LMO7: variants seen among roughly 807,000 people sequenced by gnomAD.
LMO7 encodes the protein LIM domain only protein 7.
In LMO7, 120 loss-of-function variants were observed where a neutral mutation model predicts 206.5. That is an observed-to-expected ratio of 0.58 (90% confidence interval 0.50 to 0.68). The LOEUF (loss-of-function observed/expected upper bound fraction) is 0.68. Among genes scored for constraint, LMO7 ranks in the 30% least tolerant of loss-of-function variants. The pLI, the probability that LMO7 is intolerant of heterozygous loss-of-function variation, is 0.00. For missense variants in LMO7, 1,959 were observed against 1,957.9 expected (o/e 1.00, Z -0.01); for synonymous variants, 706 against 681.5 (o/e 1.04, Z -0.56).
chr13:75,745,409 T>G (rs2046758237), intron 3 of LMO7, among the ~76,000 whole-genome samples: 1 of 152,186 alleles, frequency 6.6e-6, no homozygotes, highest in South Asian at 2.1e-4. Context: ...ATATGGTATG[T>G]GAGTTTTATC....
In LMO7 at chr13:75,859,356, T is replaced by A. The variant is rs1566640649; in HGVS notation, c.*1413T>A. On this transcript the variant is annotated 3_prime_UTR_variant, in exon 31 of 31. Coordinates refer to ENST00000377534, the MANE Select transcript of LMO7 (RefSeq NM_001306080.2). Reference sequence around the variant, plus strand: ...AAGAATATAATTCTGAATCCCAAATTCCAAAGACAAGAACTCTGTGTTTGA... The same window carrying A: ...AAGAATATAATTCTGAATCCCAAATACCAAAGACAAGAACTCTGTGTTTGA... 6.6e-6 allele frequency: 1 copy of A among 152,178 alleles called. No individual in the cohort carries two copies. The highest frequency in any genetic ancestry group is 2.1e-4 in the South Asian group (1 of 4,826). The allele number at this position is 152,178 out of a possible 1,614,324, so 9.4% of individuals were successfully genotyped here. A position where few individuals can be genotyped will look rare whatever the true frequency, so the allele number is the denominator to read the frequency against.
At chr13:75,667,821 A>G (rs562720943) in intron 1 of LMO7, among the ~76,000 whole-genome samples, 16 of 152,322 alleles carry the variant, frequency 1.1e-4, no homozygotes, top group African/African-American at 3.8e-4. Flanking sequence ...ATGTCAAGCA[A>G]TTTGGATTAT....
In LMO7 at chr13:75,841,903, G is replaced by A; in HGVS notation, c.3951G>A (p.Glu1317=). Residue 1317 remains glutamate, a synonymous_variant, in exon 24 of 31, where the codon GAG becomes GAA. Coordinates refer to ENST00000377534, the MANE Select transcript of LMO7 (RefSeq NM_001306080.2). ...EQKRLQAEAE[E]QKRPAEEQKR... ...AGCGGCTTCAGGCTGAGGCTGAGGA[G>A]CAGAAGCGTCCTGCGGAGGAGCAGA... is the stretch of plus-strand genomic sequence containing the variant. The A allele has an allele frequency of 1.2e-6, 2 of 1,613,912 alleles. No homozygotes were observed. Among genetic ancestry groups the A allele is most frequent in the Admixed American group, 3.3e-5 (2 of 60,020 alleles).
chr13:75,653,654 G>A lies in LMO7; in HGVS notation c.69+16928G>A, dbSNP rs1463870625. On this transcript the variant is annotated intron_variant, in intron 1 of 30. Transcript: ENST00000377534. ...AGCTTCTGGAGGGAAGAAATGCTGA[G>A]TAAGAGATGGAAAGCCATCAGTACA... is the stretch of plus-strand genomic sequence containing the variant. Among the ~76,000 whole-genome samples, 3 of 152,212 alleles carry A rather than the reference G, an allele frequency of 2.0e-5. No homozygotes were observed. In the East Asian group the frequency reaches 5.8e-4, roughly 29 times the overall value.
chr13:75,808,861 A>G (rs1368278476), intron 10 of LMO7, among the ~76,000 whole-genome samples: 1 of 152,208 alleles, frequency 6.6e-6, no homozygotes, highest in Non-Finnish European at 1.5e-5. Flanking sequence ...ATTAGGTTGA[A>G]TAAAATTAGA....
intron 1 of LMO7, among the ~76,000 whole-genome samples, chr13:75,660,717 T>C (rs1283166816): frequency 6.6e-6 from 1 of 152,226 alleles, no homozygotes; most frequent in Non-Finnish European, 1.5e-5. Context: ...GTAGGCCATC[T>C]ACTGTGCTGT....
intron 1 of LMO7, among the ~76,000 whole-genome samples, chr13:75,673,205 G>GA (rs1277060108): frequency 1.3e-5 from 2 of 152,300 alleles, no homozygotes; most frequent in Non-Finnish European, 2.9e-5. Flanking sequence ...CCACCCAGGT[G>GA]AATTCACCTT....
chr13:75,787,412 C>CGT (rs1485892353), intron 4 of LMO7, among the ~76,000 whole-genome samples: 4 of 152,064 alleles, frequency 2.6e-5, no homozygotes, highest in South Asian at 2.1e-4. Context: ...TCTTTGAATG[C>CGT]GTGTGTGTGT....
At chr13:75,735,364 T>TACACACAC (rs139581801) in intron 3 of LMO7, among the ~76,000 whole-genome samples, 11 of 150,282 alleles carry the variant, frequency 7.3e-5, no homozygotes, top group African/African-American at 2.4e-4. Flanking sequence ...TGTATTTGTA[T>TACACACAC]ACACACACAC....
intron 1 of LMO7, among the ~76,000 whole-genome samples, chr13:75,663,193 G>T (rs2038764781): frequency 6.6e-6 from 1 of 151,014 alleles, no homozygotes; most frequent in African/African-American, 2.4e-5. Flanking sequence ...TATTCTTTTG[G>T]GTTGACTGTT....
intron 1 of LMO7, among the ~76,000 whole-genome samples, chr13:75,699,820 G>A (rs1049635870): frequency 2.6e-5 from 4 of 152,182 alleles, no homozygotes; most frequent in African/African-American, 9.7e-5. Flanking sequence ...CAGAGAACTG[G>A]TCTGACTAGA....
rs1218201375 is a variant in LMO7 at position 75,823,843 on chromosome 13, C to A, written c.2919C>A (p.Ile973=). The A allele has an allele frequency of 6.2e-7, 1 of 1,614,034 alleles. No individual in the cohort carries two copies. The highest frequency in any genetic ancestry group is 1.1e-5 in the South Asian group (1 of 91,084). Residue 973 remains isoleucine, a synonymous_variant, in exon 15 of 31, where the codon ATC becomes ATA. Coordinates refer to ENST00000377534, the MANE Select transcript of LMO7 (RefSeq NM_001306080.2). The part of the protein sequence containing the change: ...DLMSESGEGE[I]SPQREVSRSQ... ...TGTCTGAATCTGGAGAAGGGGAAAT[C>A]TCCCCACAAAGAGAAGTCTCAAGAT...
intron 2 of LMO7, among the ~76,000 whole-genome samples, chr13:75,625,777 C>G (rs1027210907): frequency 6.6e-6 from 1 of 152,182 alleles, no homozygotes; most frequent in Non-Finnish European, 1.5e-5. Flanking sequence ...TGTTCATGAT[C>G]CTTATGAGCA....
At chr13:75,787,398 G>A (rs1407324042) in intron 4 of LMO7, among the ~76,000 whole-genome samples, 4 of 152,158 alleles carry the variant, frequency 2.6e-5, no homozygotes, top group Admixed American at 6.5e-5. Flanking sequence ...AATGTGTGCC[G>A]GTGTCTTTGA....
Position 75,833,166 on chromosome 13 carries a change from G to C in LMO7, c.3064+1G>C. On this transcript the variant is annotated splice_donor_variant, in intron 16 of 30. Transcript: ENST00000377534. LOFTEE classifies it high-confidence loss of function. ...ATCTTCGTAGCATCAGTTGAAGCAGGTAAATTATGTGTTTAGCTCTACTGA... is the reference window on the plus strand; with the variant it reads ...ATCTTCGTAGCATCAGTTGAAGCAGCTAAATTATGTGTTTAGCTCTACTGA... 1 of 1,495,606 alleles carries C rather than the reference G, an allele frequency of 6.7e-7. No homozygotes were observed. Among genetic ancestry groups the C allele is most frequent in the Non-Finnish European group, 9.3e-7 (1 of 1,072,116 alleles). 92.6% of individuals were successfully genotyped at this position (1,495,606 alleles called of 1,614,324 possible).
Position 75,849,070 on chromosome 13 carries a change from T to A in LMO7, c.4151-9T>A. On this transcript the variant is annotated splice_polypyrimidine_tract_variant and intron_variant, in intron 26 of 30. Coordinates refer to ENST00000377534, the MANE Select transcript of LMO7 (RefSeq NM_001306080.2). Reference sequence around the variant, plus strand: ...TAATCCCAAAGCTTTTGATTTGTTTTTAATTTAGGAAACAATAAATATTTA... The same window carrying A: ...TAATCCCAAAGCTTTTGATTTGTTTATAATTTAGGAAACAATAAATATTTA... The A allele has an allele frequency of 2.6e-6, 4 of 1,538,450 alleles. No homozygotes were observed. The highest frequency in any genetic ancestry group is 3.6e-6 in the Non-Finnish European group (4 of 1,115,416).
intron 2 of LMO7, among the ~76,000 whole-genome samples, chr13:75,722,191 A>T (rs1047239003): frequency 6.6e-6 from 1 of 152,204 alleles, no homozygotes; most frequent in African/African-American, 2.4e-5. Flanking sequence ...TCCAACAAAG[A>T]TAAATAGATG....
At chr13:75,688,862 T>A (rs888305783) in intron 1 of LMO7, 3 of 152,174 alleles carry the variant, frequency 2.0e-5, no homozygotes, top group Admixed American at 1.3e-4. Context: ...GCTCCTTCCA[T>A]TGGGCTTTAT....
chr13:75,715,767 G>A (rs964497650), intron 2 of LMO7, among the ~76,000 whole-genome samples: 2 of 152,168 alleles, frequency 1.3e-5, no homozygotes, highest in Non-Finnish European at 2.9e-5. Context: ...GGAAAGCCTG[G>A]CTGGTTGCAC....
Sources: allele counts gnomAD v4.1 joint callset (sites outside exome capture counted in the v4.1 genomes callset), GRCh38; gene constraint gnomAD v4.1.1; transcripts MANE v1.5; gene names NCBI Gene and HGNC (gene_info 2026-07-23, HGNC 2026-07-21).